The following CORO2B variants were observed in gnomAD, a reference collection of about 807,000 sequenced individuals.
CORO2B encodes coronin-2B.
Under a neutral mutation model 58.8 loss-of-function variants are expected in CORO2B, and 26 were observed. The ratio of observed to expected loss-of-function variants is 0.44; its 90% CI spans 0.32 to 0.61. CORO2B has a LOEUF of 0.61. Ranked by LOEUF, CORO2B falls within the 20% of genes least tolerant of loss-of-function variation. The probability of loss-of-function intolerance (pLI) is 0.04; values close to 1 mark genes in which losing one functional copy is unlikely to be tolerated. For missense variants in CORO2B, 460 were observed against 645.1 expected (o/e 0.71, Z 3.11); for synonymous variants, 242 against 253.8 (o/e 0.95, Z 0.44).
the CORO2B span, among the ~76,000 whole-genome samples, chr15:68,533,186 G>T: frequency 5.8e-3 from 888 of 152,110 alleles, 6 homozygotes; most frequent in African/African-American, 0.02. Flanking sequence ...TTATCTTTTT[G>T]TTTCCCTTCC....
the CORO2B span, among the ~76,000 whole-genome samples, chr15:68,539,571 G>C: frequency 6.8e-6 from 1 of 146,220 alleles, no homozygotes; most frequent in Admixed American, 6.8e-5. Context: ...GCTACTCAGG[G>C]GGCTGAGGTG....
At chr15:68,644,398 C>A (rs1901355330) in intron 1 of CORO2B, among the ~76,000 whole-genome samples, 1 of 152,206 alleles carries the variant, frequency 6.6e-6, no homozygotes, top group Non-Finnish European at 1.5e-5. Flanking sequence ...AGATCAGAGA[C>A]TTCCCCAACC....
chr15:68,560,721 C>T, the CORO2B span, among the ~76,000 whole-genome samples: 1 of 152,310 alleles, frequency 6.6e-6, no homozygotes, highest in Admixed American at 6.5e-5. Flanking sequence ...GTCAGGGCCG[C>T]TCTCCAGCTG....
chr15:68,650,763 C>T (rs1329829643), intron 2 of CORO2B, among the ~76,000 whole-genome samples: 1 of 152,162 alleles, frequency 6.6e-6, no homozygotes, highest in African/African-American at 2.4e-5. Context: ...ACAATCAGTA[C>T]TTAACGTTTT....
chr15:68,556,184 G>A, the CORO2B span, among the ~76,000 whole-genome samples: 5 of 152,190 alleles, frequency 3.3e-5, no homozygotes, highest in East Asian at 1.9e-4. Context: ...ACAATGCCTC[G>A]TAATCACAGG....
chr15:68,692,826 T>G (rs11072041), intron 2 of CORO2B, among the ~76,000 whole-genome samples: 135,267 of 151,124 alleles, frequency 0.9, 61,400 homozygotes, highest in East Asian at 1. Flanking sequence ...TAGAGACGGG[T>G]TTTCTCCATG....
rs745317438 is a variant in CORO2B, at chr15:68,714,552, C to T, written c.766-7C>T. On this transcript the variant is annotated splice_region_variant and splice_polypyrimidine_tract_variant and intron_variant, in intron 6 of 11. Coordinates refer to ENST00000261861, the MANE Select transcript of CORO2B (RefSeq NM_006091.5). Reference sequence around the variant, plus strand: ...CAGAGAGGCTGAGACCAGCTCTTCTCCCTCAGGAGGACCTCTCCATGCCCC... The same window carrying T: ...CAGAGAGGCTGAGACCAGCTCTTCTTCCTCAGGAGGACCTCTCCATGCCCC... The T allele has an allele frequency of 6.2e-7, 1 of 1,610,528 alleles. No individual in the cohort carries two copies. Among genetic ancestry groups the T allele is most frequent in the South Asian group, 1.1e-5 (1 of 90,996 alleles).
chr15:68,560,269 CT>C, the CORO2B span, among the ~76,000 whole-genome samples: 1 of 151,318 alleles, frequency 6.6e-6, no homozygotes, highest in Non-Finnish European at 1.5e-5. Context: ...CTTTTTCGTT[CT>C]TTTTTTTCTT....
chr15:68,701,526 C>T (rs1367312728), intron 3 of CORO2B, among the ~76,000 whole-genome samples: 2 of 122,088 alleles, frequency 1.6e-5, no homozygotes, highest in Admixed American at 1.1e-4. Context: ...CGCTCTGTCG[C>T]CCAGGCTGGA....
the CORO2B span, among the ~76,000 whole-genome samples, chr15:68,546,652 C>T: frequency 1.3e-5 from 2 of 152,182 alleles, no homozygotes; most frequent in East Asian, 3.8e-4. Context: ...TGACCAGATG[C>T]TCAATAGTTA....
intron 1 of CORO2B, among the ~76,000 whole-genome samples, chr15:68,606,840 T>C (rs1257178808): frequency 6.6e-6 from 1 of 152,112 alleles, no homozygotes; most frequent in African/African-American, 2.4e-5. Context: ...GGGGTGGACA[T>C]GGAAGACATT....
intron 1 of CORO2B, among the ~76,000 whole-genome samples, chr15:68,606,512 T>C (rs1199016057): frequency 6.6e-6 from 1 of 152,196 alleles, no homozygotes; most frequent in Non-Finnish European, 1.5e-5. Flanking sequence ...CCTGCTACAC[T>C]GAATGGTACA....
chr15:68,542,239 A>G, the CORO2B span, among the ~76,000 whole-genome samples: 2 of 152,210 alleles, frequency 1.3e-5, no homozygotes, highest in Non-Finnish European at 2.9e-5. Flanking sequence ...CCCATCCTTA[A>G]TCAATTTCTG....
chr15:68,537,711 T>C, the CORO2B span, among the ~76,000 whole-genome samples: 1 of 152,190 alleles, frequency 6.6e-6, no homozygotes, highest in Non-Finnish European at 1.5e-5. Context: ...GTTCACATTG[T>C]TCAGCTCCCG....
chr15:68,675,855 G>A (rs963542562), intron 2 of CORO2B, among the ~76,000 whole-genome samples: 1 of 152,170 alleles, frequency 6.6e-6, no homozygotes, highest in Non-Finnish European at 1.5e-5. Flanking sequence ...TGGGGACCCA[G>A]CAGTGAACAA....
intron 1 of CORO2B, among the ~76,000 whole-genome samples, chr15:68,628,403 G>A (rs1396366870): frequency 6.6e-6 from 1 of 152,186 alleles, no homozygotes; most frequent in African/African-American, 2.4e-5. Flanking sequence ...CTGCCTCACT[G>A]GGTTGCGATG....
Sources: allele counts gnomAD v4.1 joint callset (sites outside exome capture counted in the v4.1 genomes callset), GRCh38; gene constraint gnomAD v4.1.1; transcripts MANE v1.5; gene names NCBI Gene and HGNC (gene_info 2026-07-23, HGNC 2026-07-21).